Variants in TRMT44 observed in about 807,000 individuals in gnomAD.
The protein encoded by TRMT44 is tRNA methyltransferase 44 homolog, also known as probable tRNA (uracil-O(2)-)-methyltransferase.
In TRMT44, 78 loss-of-function variants were observed where a neutral mutation model predicts 77.3. The observed-to-expected ratio is 1.01, with a 90% CI of 0.84 to 1.22. The LOEUF (loss-of-function observed/expected upper bound fraction) is 1.22, where lower values mean the gene tolerates loss of function less well. Among genes scored for constraint, TRMT44 ranks in the 50% most tolerant of loss-of-function variants. The probability of loss-of-function intolerance (pLI) is 0.00; values close to 1 mark genes in which losing one functional copy is unlikely to be tolerated. For synonymous variants in TRMT44, 391 were observed against 383.3 expected (o/e 1.02, Z -0.23); for missense variants, 1,090 against 964.4 (o/e 1.13, Z -1.73).
chr4:8,487,182 C>G (rs1397933409), intron 2 of TRMT44, among the ~76,000 whole-genome samples: 1 of 152,014 alleles, frequency 6.6e-6, no homozygotes, highest in African/African-American at 2.4e-5. Context: ...GAACTACTGT[C>G]GAGTTTGTAT....
In TRMT44 at chr4:8,475,687, G is replaced by A. The variant is rs561302451; in HGVS notation, c.2045-85G>A. ...CCCTGACCCTGGATTGGCACCTCCC[G>A]TGGCGTGGGAGCTAAAGAGAGGCTG... is the stretch of plus-strand genomic sequence containing the variant. On this transcript the variant is annotated intron_variant, in intron 10 of 10. Transcript: ENST00000389737. 51 of 1,309,930 alleles carry A rather than the reference G, an allele frequency of 3.9e-5. No homozygotes were observed. The East Asian group carries it at 3.9e-4, about 10-fold the overall frequency. The allele number at this position is 1,309,930 out of a possible 1,614,324, so 81.1% of individuals were successfully genotyped here. A position where few individuals can be genotyped will look rare whatever the true frequency, so the allele number is the denominator to read the frequency against.
chr4:8,456,846 T>G (rs762098365), intron 6 of TRMT44, among the ~76,000 whole-genome samples: 2 of 152,162 alleles, frequency 1.3e-5, no homozygotes, highest in Non-Finnish European at 2.9e-5. Flanking sequence ...AGGAGTAGCT[T>G]TAGCTGACCA....
intron 9 of TRMT44, 95 bp downstream of exon 9, chr4:8,468,441 C>G (rs1726757355): frequency 7.9e-7 from 1 of 1,272,288 alleles, no homozygotes; most frequent in Non-Finnish European, 1.1e-6. Context: ...TGGTGTGGCC[C>G]TGTGACTACA....
At chr4:8,493,809 C>T (rs1728081206), downstream of TRMT44, among the ~76,000 whole-genome samples, 1 of 151,952 alleles carries the variant, frequency 6.6e-6, no homozygotes, top group African/African-American at 2.4e-5. Context: ...ATCAGGGCCA[C>T]AGCTCTGGTG....
chr4:8,475,138 C>T (rs770559128), intron 10 of TRMT44, among the ~76,000 whole-genome samples: 4 of 152,238 alleles, frequency 2.6e-5, no homozygotes. Context: ...TGCACCGGGA[C>T]GGCACCAAGG....
At chr4:8,487,528 T>C (rs1727849745) in intron 2 of TRMT44, among the ~76,000 whole-genome samples, 1 of 145,548 alleles carries the variant, frequency 6.9e-6, no homozygotes, top group Non-Finnish European at 1.5e-5. Flanking sequence ...GATTGGGGTG[T>C]AGAGGTAAGA....
intron 3 of TRMT44, 64 bp downstream of exon 3, chr4:8,449,952 T>TTTC: frequency 2.2e-6 from 1 of 445,994 alleles, no homozygotes; most frequent in Non-Finnish European, 3.2e-6. Flanking sequence ...TTCTTTTCTT[T>TTTC]TTTTTTTTTT....
At chr4:8,502,517 C>T in the TRMT44 span, among the ~76,000 whole-genome samples, 1 of 152,258 alleles carries the variant, frequency 6.6e-6, no homozygotes, top group Non-Finnish European at 1.5e-5. Context: ...ATCACGGTAC[C>T]AGCCAGGGCG....
intron 6 of TRMT44, among the ~76,000 whole-genome samples, chr4:8,455,394 C>T (rs982328136): frequency 1.3e-5 from 2 of 152,204 alleles, no homozygotes; most frequent in Non-Finnish European, 2.9e-5. Context: ...AGCACGGAAG[C>T]GAGATGCCCC....
chr4:8,490,952 C>T (rs564500040), intron 2 of TRMT44, among the ~76,000 whole-genome samples: 79 of 152,102 alleles, frequency 5.2e-4, no homozygotes, highest in Non-Finnish European at 9.0e-4. Flanking sequence ...AAAGGTTCTC[C>T]GAGGCCCCAC....
chr4:8,454,173 G>T (rs953299821), intron 5 of TRMT44, among the ~76,000 whole-genome samples: 1 of 152,208 alleles, frequency 6.6e-6, no homozygotes, highest in Non-Finnish European at 1.5e-5. Context: ...ATTGGCTCAC[G>T]TTCTCAGGTG....
chr4:8,450,368 T>C (rs1489777599), intron 3 of TRMT44, among the ~76,000 whole-genome samples: 1 of 152,156 alleles, frequency 6.6e-6, no homozygotes, highest in East Asian at 1.9e-4. Context: ...TGGAAAAGGA[T>C]TGATCTTTAC....
At chr4:8,491,166 C>A (rs1001207967) in intron 2 of TRMT44, among the ~76,000 whole-genome samples, 1 of 151,404 alleles carries the variant, frequency 6.6e-6, no homozygotes, top group Non-Finnish European at 1.5e-5. Context: ...TATTTACAAT[C>A]CCTGAGCTAG....
rs1314594840 is a variant in TRMT44 at position 8,476,309 on chromosome 4, G to A, written c.*308G>A. 2.5e-6 allele frequency: 1 copy of A among 405,254 alleles called. No individual in the cohort carries two copies. Among genetic ancestry groups the A allele is most frequent in the Non-Finnish European group, 4.5e-6 (1 of 220,978 alleles). 25.1% of individuals were successfully genotyped at this position (405,254 alleles called of 1,614,324 possible). A position where few individuals can be genotyped will look rare whatever the true frequency, so the allele number is the denominator to read the frequency against. On this transcript the variant is annotated 3_prime_UTR_variant, in exon 11 of 11. Coordinates refer to ENST00000389737, the MANE Select transcript of TRMT44 (RefSeq NM_152544.3). ...CAATGTCTCCTGGGGGAGAGCGGCT[G>A]AGGCTGCCTTGCACAGGCCCTTCCC...
chr4:8,489,349 G>T (rs1289485383), intron 2 of TRMT44, among the ~76,000 whole-genome samples: 2 of 152,246 alleles, frequency 1.3e-5, no homozygotes, highest in Non-Finnish European at 2.9e-5. Context: ...GTGAGAAAAT[G>T]ATGATGGTGA....
In TRMT44 at chr4:8,446,266, A is replaced by G. The variant is rs965299226; in HGVS notation, c.620-210A>G. On this transcript the variant is annotated intron_variant, in intron 1 of 10. Transcript: ENST00000389737. This position sits in a 1 kb window ranked among gnomAD's most constrained non-coding sequence, Gnocchi z 4.3. ...CATGCATCTCTCAACAGATACTTGC[A>G]GAGAATGGCTGCTGTATGCCTGGCA... Among the ~76,000 whole-genome samples, 2 of 152,218 alleles carry G rather than the reference A, an allele frequency of 1.3e-5. No homozygotes were observed. Among genetic ancestry groups the G allele is most frequent in the African/African-American group, 4.8e-5 (2 of 41,450 alleles).
At chr4:8,445,778 G>C (rs1725018963) in intron 1 of TRMT44, among the ~76,000 whole-genome samples, 2 of 152,174 alleles carry the variant, frequency 1.3e-5, no homozygotes, top group Admixed American at 1.3e-4. Context: ...TGCTGTGGAA[G>C]GTGAACCACA....
the TRMT44 span, chr4:8,510,265 C>T: frequency 1.3e-5 from 2 of 152,736 alleles, no homozygotes; most frequent in Non-Finnish European, 2.9e-5. Context: ...TTTCCAGCTC[C>T]TGGAAGCCTC....
At chr4:8,459,900 C>A (rs558587716) in intron 6 of TRMT44, among the ~76,000 whole-genome samples, 1 of 152,210 alleles carries the variant, frequency 6.6e-6, no homozygotes, top group East Asian at 1.9e-4. Context: ...GAGGAGGAGG[C>A]TGGGGGTGTT....
Sources: allele counts gnomAD v4.1 joint callset (sites outside exome capture counted in the v4.1 genomes callset), GRCh38; gene constraint gnomAD v4.1.1; non-coding constraint Gnocchi (gnomAD v3.1); transcripts MANE v1.5; gene names NCBI Gene and HGNC (gene_info 2026-07-23, HGNC 2026-07-21).